DLG2: variants seen among roughly 807,000 people sequenced by gnomAD.
DLG2 encodes disks large homolog 2.
Under a neutral mutation model 132.5 loss-of-function variants are expected in DLG2, and 45 were observed. That is an observed-to-expected ratio of 0.34 (90% confidence interval 0.27 to 0.44). The LOEUF is 0.44. Ranked by LOEUF, DLG2 falls within the 20% of genes least tolerant of loss-of-function variation. The pLI is 1.00. For synonymous variants in DLG2, 424 were observed against 419.6 expected, an observed-to-expected ratio of 1.01 and a Z score of -0.13; for missense variants, 1,045 against 1,196.9, an observed-to-expected ratio of 0.87 and a Z score of 1.87.
chr11:84,992,581 G>T (rs978416606), intron 6 of DLG2, among the ~76,000 whole-genome samples: 1 of 152,082 alleles, frequency 6.6e-6, no homozygotes, highest in East Asian at 1.9e-4. Context: ...TTTAATAATA[G>T]CCATTCTAAC....
chr11:84,745,011 A>C (rs193189504), intron 6 of DLG2, among the ~76,000 whole-genome samples: 1 of 151,628 alleles, frequency 6.6e-6, no homozygotes, highest in African/African-American at 2.4e-5. Context: ...AGCACTGAAA[A>C]CTAGGAATAA....
intron 10 of DLG2, among the ~76,000 whole-genome samples, chr11:84,079,308 G>C (rs867540815): frequency 1.3e-5 from 2 of 150,168 alleles, no homozygotes; most frequent in South Asian, 4.2e-4. Flanking sequence ...TTTTGAGATG[G>C]AGTCTTGCTC....
At chr11:85,325,452 G>A (rs1284935616) in intron 3 of DLG2, among the ~76,000 whole-genome samples, 2 of 139,782 alleles carry the variant, frequency 1.4e-5, no homozygotes, top group Non-Finnish European at 3.1e-5. Context: ...CTCCTCAAGT[G>A]GGTCCCTGAC....
chr11:83,761,928 G>A (rs993559823), intron 18 of DLG2, among the ~76,000 whole-genome samples: 1 of 152,070 alleles, frequency 6.6e-6, no homozygotes, highest in Admixed American at 6.5e-5. Flanking sequence ...ATTTTCCCTT[G>A]AATCTCCCAG....
chr11:85,145,554 C>T (rs1205911099), intron 5 of DLG2, among the ~76,000 whole-genome samples: 1 of 151,876 alleles, frequency 6.6e-6, no homozygotes, highest in Non-Finnish European at 1.5e-5. Flanking sequence ...GTTTTTTATA[C>T]AGCCTGTCTT....
intron 3 of DLG2, among the ~76,000 whole-genome samples, chr11:85,471,492 G>A (rs1042796514): frequency 2.0e-5 from 3 of 152,030 alleles, no homozygotes; most frequent in Non-Finnish European, 2.9e-5. Flanking sequence ...CACAAAACAC[G>A]TAAGGAACAA....
intron 3 of DLG2, among the ~76,000 whole-genome samples, chr11:85,584,407 G>A (rs1349471133): frequency 6.6e-6 from 1 of 150,576 alleles, no homozygotes; most frequent in Non-Finnish European, 1.5e-5. Context: ...TCCACTCGTT[G>A]GTTGATGGGC....
At chr11:85,004,719 CTTTAG>C (rs2058501500) in intron 6 of DLG2, among the ~76,000 whole-genome samples, 1 of 152,102 alleles carries the variant, frequency 6.6e-6, no homozygotes, top group Non-Finnish European at 1.5e-5. Flanking sequence ...TGCAGAAGCT[CTTTAG>C]TTTAATTAGA....
intron 5 of DLG2, among the ~76,000 whole-genome samples, chr11:85,120,091 G>A (rs2074123524): frequency 1.3e-5 from 2 of 152,168 alleles, no homozygotes; most frequent in South Asian, 4.1e-4. Flanking sequence ...CAAGTTAATT[G>A]TACAGAGCTT....
Position 84,123,598 on chromosome 11 carries a change from C to G in DLG2, c.625-24551G>C, listed in dbSNP as rs17146860. 9.4e-3 allele frequency among the ~76,000 whole-genome samples: 1,434 copies of G among 152,266 alleles called. 28 individuals carry two copies. The highest frequency in any genetic ancestry group is 0.033 in the African/African-American group (1,373 of 41,564). On this transcript the variant is annotated intron_variant, in intron 9 of 27. Transcript: ENST00000376104. Reference sequence around the variant, plus strand: ...AATCCTGCTTACATTCAATCCAACTCTGTAGTAAATTGTTATTCAGAGTCT... The same window carrying G: ...AATCCTGCTTACATTCAATCCAACTGTGTAGTAAATTGTTATTCAGAGTCT...
chr11:85,610,575 C>T (rs2080922156), intron 2 of DLG2, among the ~76,000 whole-genome samples: 1 of 152,166 alleles, frequency 6.6e-6, no homozygotes, highest in South Asian at 2.1e-4. Context: ...GGCACTGGCC[C>T]AAGATCTAGG....
chr11:84,043,397 T>G (rs2096150389), intron 11 of DLG2, among the ~76,000 whole-genome samples: 1 of 151,652 alleles, frequency 6.6e-6, no homozygotes, highest in African/African-American at 2.4e-5. Flanking sequence ...AATATTTTAT[T>G]TTAGGTTCTG....
chr11:84,901,718 T>A (rs979873148), intron 6 of DLG2, among the ~76,000 whole-genome samples: 1 of 152,102 alleles, frequency 6.6e-6, no homozygotes, highest in African/African-American at 2.4e-5. Context: ...AGCAGACCAG[T>A]AATTTAGCTA....
chr11:83,881,987 T>C (rs72639162), intron 15 of DLG2, among the ~76,000 whole-genome samples: 32,299 of 151,904 alleles, frequency 0.21, 3,592 homozygotes, highest in East Asian at 0.37. Flanking sequence ...AAAAATATTA[T>C]AAAATAAAGA....
chr11:84,401,204 T>C (rs187762559), intron 7 of DLG2, among the ~76,000 whole-genome samples: 7 of 152,212 alleles, frequency 4.6e-5, no homozygotes, highest in African/African-American at 1.4e-4. Flanking sequence ...GCTTCCCCCA[T>C]AGAAGATGCA....
At chr11:83,817,857 G>A (rs975816989) in intron 17 of DLG2, among the ~76,000 whole-genome samples, 7 of 152,182 alleles carry the variant, frequency 4.6e-5, no homozygotes, top group Admixed American at 1.3e-4. Flanking sequence ...TAGCAGCAGT[G>A]AGACCCTGTC....
rs184200877 is a variant in DLG2, at chr11:84,735,745, A to G, written c.358-201014T>C. Among the ~76,000 whole-genome samples, 684 of 152,050 alleles carry G rather than the reference A, an allele frequency of 4.5e-3. 5 individuals are homozygous for G. The highest frequency in any genetic ancestry group is 0.016 in the African/African-American group (664 of 41,450). On this transcript the variant is annotated intron_variant, in intron 6 of 27. Transcript: ENST00000376104. ...TGTGATGTTAGGGTGTCAATTTGAG[A>G]TCTTTCCTGCTTTCTCTTGTGGGCA...
intron 8 of DLG2, among the ~76,000 whole-genome samples, chr11:84,241,757 C>T (rs1484460860): frequency 6.6e-6 from 1 of 152,198 alleles, no homozygotes; most frequent in Non-Finnish European, 1.5e-5. Flanking sequence ...TAAGGTCTCC[C>T]ACTAGCTTTT....
At chr11:83,729,917 C>T (rs897972649) in intron 18 of DLG2, among the ~76,000 whole-genome samples, 1 of 152,104 alleles carries the variant, frequency 6.6e-6, no homozygotes, top group Non-Finnish European at 1.5e-5. Context: ...ACTTTATACA[C>T]AATAACGTCA....
Sources: allele counts gnomAD v4.1 joint callset (sites outside exome capture counted in the v4.1 genomes callset), GRCh38; gene constraint gnomAD v4.1.1; transcripts MANE v1.5; gene names NCBI Gene and HGNC (gene_info 2026-07-23, HGNC 2026-07-21).